Variants in ASH1L observed in about 807,000 individuals in gnomAD.
ASH1L encodes histone-lysine N-methyltransferase ASH1L.
ASH1L carries 23 observed loss-of-function variants against 269.0 expected under a neutral mutation model. The observed-to-expected ratio is 0.09, with a 90% CI of 0.06 to 0.12. The LOEUF is 0.12. ASH1L is among the 10% of genes least tolerant of loss of function. The pLI is 1.00. For missense variants in ASH1L, 2,912 were observed against 3,567.8 expected (o/e 0.82, Z 4.68); for synonymous variants, 1,187 against 1,253.5 (o/e 0.95, Z 1.12).
chr1:155,457,452 T>C (rs1663941325), intron 4 of ASH1L, among the ~76,000 whole-genome samples: 1 of 152,226 alleles, frequency 6.6e-6, no homozygotes, highest in South Asian at 2.1e-4. Flanking sequence ...TGTGCCTTTC[T>C]TCGAAAGTGC....
At chr1:155,516,925 T>G (rs1275432138) in intron 2 of ASH1L, among the ~76,000 whole-genome samples, 3 of 152,256 alleles carry the variant, frequency 2.0e-5, no homozygotes, top group African/African-American at 7.2e-5. Flanking sequence ...ACCACAAATT[T>G]TATAAAATAT....
At chr1:155,420,970 C>T (rs1194910881) in intron 5 of ASH1L, among the ~76,000 whole-genome samples, 2 of 151,796 alleles carry the variant, frequency 1.3e-5, no homozygotes, top group East Asian at 3.9e-4. Context: ...GGCTTGGCAG[C>T]TTTCACCTGT....
At chr1:155,426,307 C>T (rs578132032) in intron 5 of ASH1L, among the ~76,000 whole-genome samples, 17 of 151,632 alleles carry the variant, frequency 1.1e-4, no homozygotes, top group Admixed American at 1.1e-3. Context: ...TGAGCTCAAG[C>T]AATCCACCTG....
At chr1:155,522,560 G>A (rs530871297) in intron 1 of ASH1L, among the ~76,000 whole-genome samples, 2 of 152,148 alleles carry the variant, frequency 1.3e-5, no homozygotes, top group Admixed American at 6.6e-5. Flanking sequence ...TAAAACTAGC[G>A]TGCTAATTTA....
At chr1:155,368,850 G>A (rs931094791) in intron 12 of ASH1L, among the ~76,000 whole-genome samples, 2 of 152,162 alleles carry the variant, frequency 1.3e-5, no homozygotes, top group Non-Finnish European at 2.9e-5. Context: ...TTCACACAAA[G>A]AAGTATTACT....
intron 3 of ASH1L, among the ~76,000 whole-genome samples, chr1:155,477,577 T>C (rs1263936248): frequency 6.6e-6 from 1 of 152,124 alleles, no homozygotes; most frequent in African/African-American, 2.4e-5. Flanking sequence ...TATGAGCCAT[T>C]TGTCTTTATA....
intron 2 of ASH1L, among the ~76,000 whole-genome samples, chr1:155,505,952 T>C (rs1192282890): frequency 6.6e-6 from 1 of 152,180 alleles, no homozygotes; most frequent in East Asian, 1.9e-4. Context: ...ACTCGTCATT[T>C]ACATTAGGTA....
At chr1:155,511,349 C>T (rs1668149043) in intron 2 of ASH1L, among the ~76,000 whole-genome samples, 1 of 152,212 alleles carries the variant, frequency 6.6e-6, no homozygotes. Context: ...ACAGGGATCA[C>T]TGCAGTTTGA....
chr1:155,549,869 C>G (rs1671076566), intron 1 of ASH1L, among the ~76,000 whole-genome samples: 1 of 152,106 alleles, frequency 6.6e-6, no homozygotes, highest in South Asian at 2.1e-4. Flanking sequence ...ACTGCTCAGG[C>G]CATCACTGAA....
At position 155,496,857 on chromosome 1, in the gene ASH1L, G is replaced by C. The variant is rs1414825401; in HGVS notation, c.421-14408C>G. 2.6e-5 allele frequency among the ~76,000 whole-genome samples: 4 copies of C among 151,702 alleles called. No homozygotes were observed. The East Asian group carries it at 7.8e-4, about 29-fold the overall frequency. On this transcript the variant is annotated intron_variant, in intron 2 of 27. Transcript: ENST00000392403. The stretch of plus-strand genomic sequence containing the variant: ...GTGGGGGTCTCACTATGTTGCCCAG[G>C]CTGGTCTCAAACTCCCGGGCTCGGG...
At chr1:155,509,778 G>A (rs780963048) in intron 2 of ASH1L, among the ~76,000 whole-genome samples, 19 of 152,070 alleles carry the variant, frequency 1.2e-4, no homozygotes, top group African/African-American at 3.6e-4. Flanking sequence ...CAGCCTGGGC[G>A]ACAGAGCGAG....
At chr1:155,413,063 TTGA>T (rs1439085895) in intron 6 of ASH1L, among the ~76,000 whole-genome samples, 2 of 152,094 alleles carry the variant, frequency 1.3e-5, no homozygotes, top group East Asian at 3.8e-4. Flanking sequence ...AGCAGAAAAG[TTGA>T]TAATTATATT....
chr1:155,526,417 A>G (rs1669259320), intron 1 of ASH1L, among the ~76,000 whole-genome samples: 1 of 152,212 alleles, frequency 6.6e-6, no homozygotes, highest in Non-Finnish European at 1.5e-5. Context: ...TTTCAGCACT[A>G]ACATACTTCC....
Position 155,521,333 on chromosome 1 carries a change from C to A in ASH1L, c.187G>T (p.Asp63Tyr). ...TGCTGTGCATCAGTCAAACCATCAT[C>A]TTTCCCAGCTTCGATGTTTCTTTCT... ...NRERNIEAGK[D>Y]DGLTDAQQQF... Residue 63 changes from aspartate to tyrosine, a missense_variant, in exon 2 of 28, where the codon GAT (aspartate) becomes TAT (tyrosine). Transcript: ENST00000392403. The A allele has an allele frequency of 6.2e-7, 1 of 1,614,154 alleles. No homozygotes were observed. The highest frequency in any genetic ancestry group is 8.5e-7 in the Non-Finnish European group (1 of 1,180,036).
intron 5 of ASH1L, among the ~76,000 whole-genome samples, 177 bp from the exon 6 acceptor site, chr1:155,416,100 T>C (rs1333002734): frequency 2.7e-5 from 4 of 150,544 alleles, no homozygotes; most frequent in Admixed American, 6.8e-5. Flanking sequence ...AATAGAAATA[T>C]GGTAGTCTAC....
chr1:155,415,346 C>T lies in ASH1L; in HGVS notation c.6008+398G>A, dbSNP rs1175011633. Among the ~76,000 whole-genome samples the T allele has an allele frequency of 3.4e-5, 5 of 145,696 alleles. No homozygotes were observed. The Admixed American group carries it at 3.5e-4, about 10-fold the overall frequency. On this transcript the variant is annotated intron_variant, in intron 6 of 27. Coordinates refer to ENST00000392403, the MANE Select transcript of ASH1L (RefSeq NM_018489.3). ...GCAGTGAGCCAAGATCGCACCACTG[C>T]ACTCCAGCCTGGGTGACAGGGCGAG...
intron 6 of ASH1L, among the ~76,000 whole-genome samples, chr1:155,411,068 G>A (rs539784634): frequency 1.3e-5 from 2 of 152,302 alleles, no homozygotes; most frequent in South Asian, 4.1e-4. Flanking sequence ...CATAACACAT[G>A]TATCACAATG....
In ASH1L at chr1:155,527,531, CTTT is replaced by C. The variant is rs35475547; in HGVS notation, c.-99-5916_-99-5914del. On this transcript the variant is annotated intron_variant, in intron 1 of 27. Coordinates refer to ENST00000392403, the MANE Select transcript of ASH1L (RefSeq NM_018489.3). ...CTACCTCACTTGACTTACGGGATAC[CTTT>C]TTTTTTTTTTTTTTTTTTTTGAGTC... 5.0e-3 allele frequency among the ~76,000 whole-genome samples: 555 copies of C among 110,808 alleles called. 5 individuals are homozygous for C. Among genetic ancestry groups the C allele is most frequent in the East Asian group, 0.02 (54 of 2,740 alleles). The allele number at this position is 110,808 out of a possible 152,430, so 72.7% of individuals were successfully genotyped here.
At chr1:155,379,924 G>C in intron 8 of ASH1L, 119 bp downstream of exon 8, 1 of 703,136 alleles carries the variant, frequency 1.4e-6, no homozygotes, top group Admixed American at 2.5e-5. Flanking sequence ...CCTTCACAGG[G>C]ACACTTCTGA....
Sources: allele counts gnomAD v4.1 joint callset (sites outside exome capture counted in the v4.1 genomes callset), GRCh38; gene constraint gnomAD v4.1.1; transcripts MANE v1.5; gene names NCBI Gene and HGNC (gene_info 2026-07-23, HGNC 2026-07-21).